The following GALM variants were observed in gnomAD, a reference collection of about 807,000 sequenced individuals.
GALM encodes galactose mutarotase.
GALM carries 43 observed loss-of-function variants against 37.4 expected under a neutral mutation model. That is an observed-to-expected ratio of 1.15 (90% CI 0.90 to 1.48). The LOEUF is 1.48. Ranked by LOEUF, GALM falls within the 40% of genes most tolerant of loss-of-function variation. The pLI, the probability that GALM is intolerant of heterozygous loss-of-function variation, is 0.00. For synonymous variants in GALM, 199 were observed against 170.6 expected, an observed-to-expected ratio of 1.17 and a Z score of -1.30; for missense variants, 456 against 419.1, an observed-to-expected ratio of 1.09 and a Z score of -0.77.
chr2:38,679,363 G>A (rs901838736), intron 2 of GALM, among the ~76,000 whole-genome samples: 6 of 150,788 alleles, frequency 4.0e-5, no homozygotes, highest in Non-Finnish European at 7.4e-5. Context: ...CACCGCCCCC[G>A]ACACACACTA....
chr2:38,673,040 C>G (rs926437335), intron 1 of GALM, among the ~76,000 whole-genome samples: 1 of 152,070 alleles, frequency 6.6e-6, no homozygotes, highest in Non-Finnish European at 1.5e-5. Context: ...TAAGTGTTAG[C>G]TATTATGATA....
chr2:38,698,776 A>G lies in GALM; in HGVS notation c.634+8882A>G, dbSNP rs868044351. On this transcript the variant is annotated intron_variant, in intron 4 of 6. Coordinates refer to ENST00000272252, the MANE Select transcript of GALM (RefSeq NM_138801.3). The stretch of plus-strand genomic sequence containing the variant: ...GTGCTGCTTTGTCAGACATTTGTTT[A>G]TATATTGTTTGTTTTTGAGATGGGG... 3.9e-5 allele frequency among the ~76,000 whole-genome samples: 6 copies of G among 152,218 alleles called. No homozygotes were observed. In the South Asian group the frequency reaches 6.2e-4, roughly 16 times the overall value.
chr2:38,682,592 CCTT>C (rs1558580594), intron 3 of GALM, among the ~76,000 whole-genome samples: 1 of 152,162 alleles, frequency 6.6e-6, no homozygotes, highest in East Asian at 1.9e-4. Context: ...CTTTCACCAT[CCTT>C]CTTGAAATCT....
rs768321999 is a variant in GALM, at chr2:38,675,989, G to C, written c.268G>C (p.Val90Leu). 1 of 1,613,954 alleles carries C rather than the reference G, an allele frequency of 6.2e-7. No homozygotes were observed. Among genetic ancestry groups the C allele is most frequent in the Non-Finnish European group, 8.5e-7 (1 of 1,179,978 alleles). The change falls in exon 2 of 7, where the codon GTG becomes CTG. Residue 90 changes from valine to leucine, a missense_variant. Val to Leu is a conservative substitution (Grantham distance 32). Transcript: ENST00000272252. ...CCGAATCGCCAAAGGAACCTTCAAG[G>C]TGGATGGGAAGGAGTATCACCTGGC... ...ANRIAKGTFKVDGKEYHLAIN... is the reference protein window; with the variant it reads ...ANRIAKGTFKLDGKEYHLAIN...
rs1665715859 is a variant in GALM, at chr2:38,693,061, G to A, written c.634+3167G>A. Among the ~76,000 whole-genome samples, 4 of 152,160 alleles carry A rather than the reference G, an allele frequency of 2.6e-5. No individual in the cohort carries two copies. The South Asian group carries it at 8.3e-4, about 32-fold the overall frequency. On this transcript the variant is annotated intron_variant, in intron 4 of 6. Coordinates refer to ENST00000272252, the MANE Select transcript of GALM (RefSeq NM_138801.3). ...GGTGGCCCTGGGTGGCCCCAGGCTGGCCTGGAGCTCAAGGCCGATCCACAT... is the reference window on the plus strand; with the variant it reads ...GGTGGCCCTGGGTGGCCCCAGGCTGACCTGGAGCTCAAGGCCGATCCACAT...
intron 4 of GALM, among the ~76,000 whole-genome samples, chr2:38,717,529 A>G (rs1041774026): frequency 6.6e-6 from 1 of 151,818 alleles, no homozygotes; most frequent in Non-Finnish European, 1.5e-5. Flanking sequence ...CCTCCCAAGT[A>G]GCTGGGTTAC....
chr2:38,668,468 A>T (rs1665009994), intron 1 of GALM: 1 of 152,214 alleles, frequency 6.6e-6, no homozygotes, highest in African/African-American at 2.4e-5. Context: ...CTACATTTCT[A>T]GTGCATTAAA....
At chr2:38,728,137 T>C (rs1211743893) in intron 4 of GALM, among the ~76,000 whole-genome samples, 1 of 152,226 alleles carries the variant, frequency 6.6e-6, no homozygotes, top group African/African-American at 2.4e-5. Context: ...CTCACACCTG[T>C]AATCCCAGCA....
intron 3 of GALM, among the ~76,000 whole-genome samples, chr2:38,685,967 C>G (rs1024798334): frequency 5.9e-5 from 9 of 152,076 alleles, no homozygotes; most frequent in Non-Finnish European, 1.3e-4. Context: ...CCCATCTCGG[C>G]CTCCCAAACT....
intron 5 of GALM, among the ~76,000 whole-genome samples, chr2:38,730,840 G>C (rs984703611): frequency 4.6e-5 from 7 of 151,624 alleles, no homozygotes; most frequent in South Asian, 2.1e-4. Flanking sequence ...AGAATCACTT[G>C]AACCCAGGGG....
rs778120350 is a variant in GALM, at chr2:38,681,269, CT to C, written c.346-5del. Reference sequence around the variant, plus strand: ...GAGCAACTACACAACTTTGAAAACACTTTTTTCCAGGTGCTCTGGACCCCTC... The same window carrying C: ...GAGCAACTACACAACTTTGAAAACACTTTTTCCAGGTGCTCTGGACCCCTC... On this transcript the variant is annotated splice_polypyrimidine_tract_variant and intron_variant, in intron 2 of 6. Transcript: ENST00000272252. 8 of 1,611,254 alleles carry C rather than the reference CT, an allele frequency of 5.0e-6. 1 individual carries two copies. The Admixed American group carries it at 5.0e-5, about 10-fold the overall frequency.
intron 4 of GALM, among the ~76,000 whole-genome samples, chr2:38,720,923 A>G (rs1666365893): frequency 6.6e-6 from 1 of 152,214 alleles, no homozygotes; most frequent in African/African-American, 2.4e-5. Flanking sequence ...ATCACACAGC[A>G]TTACTTGGCC....
chr2:38,694,484 A>G (rs1416114393), intron 4 of GALM, among the ~76,000 whole-genome samples: 1 of 152,288 alleles, frequency 6.6e-6, no homozygotes, highest in East Asian at 1.9e-4. Context: ...TTTAAATTAA[A>G]TATAAGAAAG....
intron 4 of GALM, among the ~76,000 whole-genome samples, chr2:38,691,364 T>C (rs1024756024): frequency 1.8e-4 from 28 of 152,198 alleles, no homozygotes; most frequent in Admixed American, 1.4e-3. Flanking sequence ...AGGCTTAACA[T>C]GCACTCTAAT....
intron 5 of GALM, 152 bp downstream of exon 5, chr2:38,729,849 C>T: frequency 3.1e-6 from 2 of 639,304 alleles, no homozygotes; most frequent in Middle Eastern, 2.8e-4. Context: ...GCTCCCATGG[C>T]ACAGGTGAGC....
chr2:38,687,330 C>T (rs73930828), intron 3 of GALM, among the ~76,000 whole-genome samples: 3,487 of 152,294 alleles, frequency 0.023, 138 homozygotes, highest in African/African-American at 0.08. Context: ...GTAGAAAGTG[C>T]AGAGGAGAGG....
intron 4 of GALM, among the ~76,000 whole-genome samples, chr2:38,713,095 C>T (rs752909956): frequency 3.3e-5 from 5 of 152,104 alleles, no homozygotes; most frequent in East Asian, 1.9e-4. Context: ...GGGAGCCTTG[C>T]GACTTTTGGA....
At chr2:38,731,711 C>A in intron 5 of GALM, 24 bp from the exon 6 acceptor site, 1 of 1,602,386 alleles carries the variant, frequency 6.2e-7, no homozygotes, top group Non-Finnish European at 8.5e-7. Flanking sequence ...GCCCTGGACT[C>A]ATGTTGTTTG....
At chr2:38,694,469 G>GT (rs1176348517) in intron 4 of GALM, among the ~76,000 whole-genome samples, 1 of 151,950 alleles carries the variant, frequency 6.6e-6, no homozygotes, top group African/African-American at 2.4e-5. Flanking sequence ...AGGAAACCAA[G>GT]TTTGTTTAAA....
Sources: allele counts gnomAD v4.1 joint callset (sites outside exome capture counted in the v4.1 genomes callset), GRCh38; gene constraint gnomAD v4.1.1; transcripts MANE v1.5; gene names NCBI Gene and HGNC (gene_info 2026-07-23, HGNC 2026-07-21).